The following CABIN1 variants were observed in gnomAD, a reference collection of about 807,000 sequenced individuals.
CABIN1 encodes the protein calcineurin-binding protein cabin-1.
Under a neutral mutation model 227.7 loss-of-function variants are expected in CABIN1, and 133 were observed. The observed-to-expected ratio is 0.58, with a 90% CI of 0.51 to 0.67. The LOEUF is 0.67. Among genes scored for constraint, CABIN1 ranks in the 30% least tolerant of loss-of-function variants. The pLI is 0.00. For missense variants in CABIN1, 2,408 were observed against 2,852.5 expected (o/e 0.84, Z 3.55); for synonymous variants, 1,086 against 1,155.1 (o/e 0.94, Z 1.21).
chr22:24,117,816 C>T (rs1401585454), intron 27 of CABIN1, among the ~76,000 whole-genome samples: 3 of 152,232 alleles, frequency 2.0e-5, no homozygotes, highest in African/African-American at 4.8e-5. Flanking sequence ...TCATCTGATT[C>T]CTCTGTCTCC....
chr22:24,113,869 C>T, intron 27 of CABIN1, 121 bp downstream of exon 27: 1 of 1,030,356 alleles, frequency 9.7e-7, no homozygotes, highest in Non-Finnish European at 1.5e-6. Flanking sequence ...CCTGGGCCTC[C>T]ATTTTTCTCC....
chr22:24,066,900 A>C, intron 15 of CABIN1, 87 bp from the exon 16 acceptor site: 3 of 1,284,270 alleles, frequency 2.3e-6, no homozygotes, highest in South Asian at 1.2e-5. Context: ...TCCTCATCCA[A>C]GTCTGATAAA....
intron 18 of CABIN1, among the ~76,000 whole-genome samples, chr22:24,074,116 TG>T (rs2040276373): frequency 6.6e-6 from 1 of 151,988 alleles, no homozygotes; most frequent in Non-Finnish European, 1.5e-5. Flanking sequence ...ATTTTAGTGG[TG>T]AAAAAAAACC....
In CABIN1 at chr22:24,164,386, C is replaced by T. The variant is rs757238205; in HGVS notation, c.4747-14C>T. 8.1e-6 allele frequency: 13 copies of T among 1,601,342 alleles called. No homozygotes were observed. The East Asian group carries it at 2.7e-4, about 33-fold the overall frequency. On this transcript the variant is annotated splice_polypyrimidine_tract_variant and intron_variant, in intron 29 of 36. Coordinates refer to ENST00000263119, the MANE Select transcript of CABIN1 (RefSeq NM_012295.4). ...AACCACCCCCCTCACACACCTGTGC[C>T]ATCCATCCCACAGGGCATCTGGCGG...
intron 6 of CABIN1, among the ~76,000 whole-genome samples, chr22:24,047,153 C>A (rs915967923): frequency 1.3e-5 from 2 of 152,196 alleles, no homozygotes; most frequent in African/African-American, 4.8e-5. Context: ...TAGACACATA[C>A]AATTAATCAT....
At chr22:24,154,674 C>T (rs750801492) in intron 29 of CABIN1, among the ~76,000 whole-genome samples, 8 of 152,174 alleles carry the variant, frequency 5.3e-5, no homozygotes, top group Non-Finnish European at 1.2e-4. Context: ...CAGTATCCCT[C>T]GAGGAGATCC....
rs927786443 is a variant in CABIN1 at position 24,035,352 on chromosome 22, T to G, written c.-74-92T>G. ...CTTCACTGGCCTGTCTGCATAGAGC[T>G]CAGGGAAGGACTGGTTCCTGGTGGA... On this transcript the variant is annotated intron_variant, in intron 1 of 36. Transcript: ENST00000263119. The G allele has an allele frequency of 5.9e-6, 5 of 841,380 alleles. No individual in the cohort carries two copies. In the African/African-American group the frequency reaches 6.6e-5, roughly 11 times the overall value. The allele number at this position is 841,380 out of a possible 1,614,324, so 52.1% of individuals were successfully genotyped here.
intron 16 of CABIN1, among the ~76,000 whole-genome samples, chr22:24,069,167 T>G (rs893186586): frequency 6.6e-6 from 1 of 152,272 alleles, no homozygotes; most frequent in Non-Finnish European, 1.5e-5. Context: ...TTCAGTCTAA[T>G]TGGATAGTTT....
At chr22:24,117,972 G>A (rs535027145) in intron 27 of CABIN1, among the ~76,000 whole-genome samples, 2 of 152,340 alleles carry the variant, frequency 1.3e-5, no homozygotes, top group African/African-American at 2.4e-5. Context: ...GCTGTGGGAC[G>A]CAGGCAACTT....
At position 24,044,216 on chromosome 22, in the gene CABIN1, G is replaced by A. The variant is rs567523737; in HGVS notation, c.526+1132G>A. ...TTTAAGGAACTAGCCCTAGCCTCTT[G>A]GTCTGTGATGGGAGTGGCGGCTCAG... is the stretch of plus-strand genomic sequence containing the variant. On this transcript the variant is annotated intron_variant, in intron 6 of 36. Transcript: ENST00000263119. Among the ~76,000 whole-genome samples, 9 of 152,252 alleles carry A rather than the reference G, an allele frequency of 5.9e-5. No homozygotes were observed. In the East Asian group the frequency reaches 1.7e-3, roughly 29 times the overall value.
intron 29 of CABIN1, among the ~76,000 whole-genome samples, chr22:24,158,246 C>T (rs2045953211): frequency 6.6e-6 from 1 of 152,198 alleles, no homozygotes; most frequent in Non-Finnish European, 1.5e-5. Flanking sequence ...GAAGACAGAA[C>T]ACTCACCCAC....
intron 8 of CABIN1, among the ~76,000 whole-genome samples, chr22:24,051,418 G>A (rs952458067): frequency 5.3e-5 from 8 of 152,142 alleles, no homozygotes; most frequent in African/African-American, 1.9e-4. Context: ...GGAGCCCTGC[G>A]AGATGGGCCT....
At chr22:24,056,871 A>T (rs1426684327) in intron 10 of CABIN1, among the ~76,000 whole-genome samples, 1 of 151,788 alleles carries the variant, frequency 6.6e-6, no homozygotes, top group Non-Finnish European at 1.5e-5. Context: ...ACAAGCAGGA[A>T]CCAGGCTCCC....
At chr22:24,126,683 A>G (rs2043745092) in intron 28 of CABIN1, among the ~76,000 whole-genome samples, 1 of 152,148 alleles carries the variant, frequency 6.6e-6, no homozygotes, top group South Asian at 2.1e-4. Context: ...ATTTGAGGGG[A>G]CATCATCCTG....
chr22:24,076,060 T>C (rs887606261), intron 18 of CABIN1, 109 bp from the exon 19 acceptor site: 19 of 727,902 alleles, frequency 2.6e-5, no homozygotes, highest in African/African-American at 5.3e-5. Context: ...TCTGTAGTCA[T>C]GTTGATAAAG....
intron 10 of CABIN1, among the ~76,000 whole-genome samples, chr22:24,058,624 A>G (rs1041791733): frequency 5.3e-5 from 8 of 152,276 alleles, no homozygotes; most frequent in Middle Eastern, 6.8e-3. Flanking sequence ...CCACCTATCT[A>G]TCCGCTTTCC....
chr22:24,055,506 T>A (rs1158515777), intron 9 of CABIN1, among the ~76,000 whole-genome samples: 1 of 152,202 alleles, frequency 6.6e-6, no homozygotes, highest in African/African-American at 2.4e-5. Flanking sequence ...CTGGCAGAGG[T>A]CCCCTCTTCT....
chr22:24,084,226 T>C (rs2040996138), intron 20 of CABIN1, among the ~76,000 whole-genome samples: 2 of 152,042 alleles, frequency 1.3e-5, no homozygotes, highest in South Asian at 4.2e-4. Flanking sequence ...TTGGGGATTA[T>C]AGTGGGCATG....
At chr22:24,082,438 A>G (rs1005422737) in intron 19 of CABIN1, among the ~76,000 whole-genome samples, 1 of 152,138 alleles carries the variant, frequency 6.6e-6, no homozygotes. Flanking sequence ...GTTTTCCCAG[A>G]TACATCTTTG....
Sources: allele counts gnomAD v4.1 joint callset (sites outside exome capture counted in the v4.1 genomes callset), GRCh38; gene constraint gnomAD v4.1.1; transcripts MANE v1.5; gene names NCBI Gene and HGNC (gene_info 2026-07-23, HGNC 2026-07-21).